Variants in ATP2B2 observed in about 807,000 individuals in gnomAD.
ATP2B2 encodes plasma membrane calcium-transporting ATPase 2.
A neutral mutation model predicts 120.0 loss-of-function variants in ATP2B2; 15 were observed. The observed-to-expected ratio is 0.12, with a 90% CI of 0.08 to 0.19. ATP2B2 has a LOEUF of 0.19. Ranked by LOEUF, ATP2B2 falls within the 10% of genes least tolerant of loss-of-function variation. ATP2B2 has a pLI of 1.00. For synonymous variants in ATP2B2, 694 were observed against 700.3 expected (o/e 0.99, Z 0.14); for missense variants, 1,045 against 1,719.8 (o/e 0.61, Z 6.94).
chr3:10,443,579 G>T (rs1017408719), intron 2 of ATP2B2, among the ~76,000 whole-genome samples: 1 of 152,102 alleles, frequency 6.6e-6, no homozygotes, highest in Admixed American at 6.5e-5. Context: ...GCTAAAACCC[G>T]CCTGAAAATG....
intron 10 of ATP2B2, among the ~76,000 whole-genome samples, chr3:10,376,987 A>G (rs1575059434): frequency 6.6e-6 from 1 of 152,100 alleles, no homozygotes; most frequent in Non-Finnish European, 1.5e-5. Context: ...ACCTGAGAGC[A>G]CCCTGTCAAT....
chr3:10,630,290 A>G (rs1411203345), intron 1 of ATP2B2, among the ~76,000 whole-genome samples: 1 of 152,134 alleles, frequency 6.6e-6, no homozygotes, highest in Non-Finnish European at 1.5e-5. Context: ...CCCATTAGTT[A>G]CTTTTCCTGA....
intron 5 of ATP2B2, among the ~76,000 whole-genome samples, chr3:10,398,071 G>A (rs1559284036): frequency 6.6e-6 from 1 of 152,152 alleles, no homozygotes; most frequent in African/African-American, 2.4e-5. Flanking sequence ...GGTTCATCCT[G>A]TGTCCTGTGA....
chr3:10,358,606 G>T, intron 14 of ATP2B2, 85 bp downstream of exon 14: 1 of 1,280,824 alleles, frequency 7.8e-7, no homozygotes, highest in Non-Finnish European at 1.1e-6. Flanking sequence ...ACTCAAAGAG[G>T]TGAAGTGACT....
At chr3:10,624,798 T>C (rs2069649361) in intron 1 of ATP2B2, among the ~76,000 whole-genome samples, 1 of 152,238 alleles carries the variant, frequency 6.6e-6, no homozygotes, top group South Asian at 2.1e-4. Flanking sequence ...GGAAAAGCAC[T>C]TTCTGAGGAA....
chr3:10,428,766 C>T (rs946759438), intron 2 of ATP2B2, among the ~76,000 whole-genome samples: 4 of 152,224 alleles, frequency 2.6e-5, no homozygotes, highest in African/African-American at 4.8e-5. Flanking sequence ...GTTCCAGCCA[C>T]GCCTACCCTG....
chr3:10,671,135 C>T (rs1021931463), intron 1 of ATP2B2, among the ~76,000 whole-genome samples: 3 of 152,244 alleles, frequency 2.0e-5, no homozygotes, highest in Admixed American at 6.5e-5. Context: ...CTGAATCACA[C>T]TATCCTGGAG....
chr3:10,463,190 T>C (rs1400303917), intron 1 of ATP2B2, among the ~76,000 whole-genome samples: 1 of 152,164 alleles, frequency 6.6e-6, no homozygotes, highest in Admixed American at 6.5e-5. Context: ...ATCCATACTT[T>C]GACCCTCCAC....
At chr3:10,677,418 G>C (rs926698101) in intron 1 of ATP2B2, among the ~76,000 whole-genome samples, 2 of 152,134 alleles carry the variant, frequency 1.3e-5, no homozygotes, top group African/African-American at 4.8e-5. Flanking sequence ...GGGAGGGATG[G>C]ATAGGTGGAG....
chr3:10,690,480 A>G, intron 1 of ATP2B2, among the ~76,000 whole-genome samples: 1 of 138,646 alleles, frequency 7.2e-6, no homozygotes, highest in East Asian at 2.2e-4. Flanking sequence ...ATCTATCTAT[A>G]TATCTCCTTC....
chr3:10,419,851 G>A (rs780551639), intron 2 of ATP2B2, among the ~76,000 whole-genome samples: 1 of 152,194 alleles, frequency 6.6e-6, no homozygotes. Flanking sequence ...ATGCCCCACA[G>A]TGACCCTATC....
At chr3:10,466,265 G>A (rs539932944) in intron 1 of ATP2B2, among the ~76,000 whole-genome samples, 5 of 152,304 alleles carry the variant, frequency 3.3e-5, no homozygotes, top group African/African-American at 1.2e-4. Flanking sequence ...TATCAGTGCA[G>A]CACAGAATAG....
At chr3:10,579,782 C>A (rs1308192803) in intron 2 of ATP2B2, among the ~76,000 whole-genome samples, 1 of 142,658 alleles carries the variant, frequency 7.0e-6, no homozygotes, top group East Asian at 2.2e-4. Context: ...TGCACTCCAG[C>A]CTGGGCAACA....
chr3:10,395,719 A>G (rs530775727), intron 5 of ATP2B2, among the ~76,000 whole-genome samples: 1 of 152,360 alleles, frequency 6.6e-6, no homozygotes, highest in Non-Finnish European at 1.5e-5. Flanking sequence ...TAGGGACCTT[A>G]AAATGTGGGA....
intron 1 of ATP2B2, among the ~76,000 whole-genome samples, chr3:10,489,793 C>T (rs958748306): frequency 2.0e-5 from 3 of 152,220 alleles, no homozygotes; most frequent in Non-Finnish European, 4.4e-5. Context: ...TCCCTCCAAC[C>T]CATTATCCTC....
intron 1 of ATP2B2, among the ~76,000 whole-genome samples, chr3:10,463,161 C>T (rs773554545): frequency 1.4e-4 from 22 of 152,138 alleles, no homozygotes; most frequent in Admixed American, 2.6e-4. Flanking sequence ...CAGCCCGTCG[C>T]GTGTGGCTCA....
intron 2 of ATP2B2, among the ~76,000 whole-genome samples, chr3:10,556,269 T>A (rs1223821916): frequency 6.6e-6 from 1 of 152,198 alleles, no homozygotes; most frequent in Non-Finnish European, 1.5e-5. Context: ...TATGTCTGAT[T>A]TGTCTATGTG....
chr3:10,526,559 T>G (rs568545819), intron 3 of ATP2B2, among the ~76,000 whole-genome samples: 1 of 152,182 alleles, frequency 6.6e-6, no homozygotes, highest in Non-Finnish European at 1.5e-5. Flanking sequence ...CAACCTGGGC[T>G]GTCTGCTGGC....
In ATP2B2 at chr3:10,333,082, G is replaced by A. The variant is rs547870215; in HGVS notation, c.3421-3957C>T. On this transcript the variant is annotated intron_variant, in intron 22 of 22. Coordinates refer to ENST00000360273, the MANE Select transcript of ATP2B2 (RefSeq NM_001001331.4). Reference sequence around the variant, plus strand: ...GAGGCCTTCATCTTGCGGTGGTGCCGTGGGGAGGGGAGGGCCTGCGATGTG... The same window carrying A: ...GAGGCCTTCATCTTGCGGTGGTGCCATGGGGAGGGGAGGGCCTGCGATGTG... Among the ~76,000 whole-genome samples the A allele has an allele frequency of 3.9e-5, 6 of 152,224 alleles. No homozygotes were observed. In the South Asian group the frequency reaches 6.2e-4, roughly 16 times the overall value.
Sources: gnomAD v4.1 joint callset for allele counts (sites outside exome capture counted in the v4.1 genomes callset) on GRCh38, gnomAD v4.1.1 for gene constraint, MANE v1.5 for transcripts, NCBI Gene and HGNC (gene_info 2026-07-23, HGNC 2026-07-21) for gene names.